COP1: variants seen among roughly 807,000 people sequenced by gnomAD.
COP1 encodes COP1 E3 ubiquitin ligase.
COP1 carries 24 observed loss-of-function variants against 101.3 expected under a neutral mutation model. That is an observed-to-expected ratio of 0.24 (90% CI 0.17 to 0.33). The LOEUF is 0.33. Ranked by LOEUF, COP1 falls within the 10% of genes least tolerant of loss-of-function variation. The pLI is 1.00. For synonymous variants in COP1, 347 were observed against 341.9 expected (o/e 1.01, Z -0.17); for missense variants, 663 against 906.2 (o/e 0.73, Z 3.45).
At chr1:176,042,290 G>T (rs1464168011) in intron 14 of COP1, among the ~76,000 whole-genome samples, 2 of 121,760 alleles carry the variant, frequency 1.6e-5, no homozygotes, top group East Asian at 2.3e-4. Context: ...AAAAAAAAAG[G>T]TGGCTCATGT....
At chr1:176,152,432 G>A (rs1037129972) in intron 5 of COP1, among the ~76,000 whole-genome samples, 17 of 151,884 alleles carry the variant, frequency 1.1e-4, no homozygotes, top group African/African-American at 3.6e-4. Context: ...TTGTAAATTA[G>A]AAGTAATTAT....
intron 12 of COP1, among the ~76,000 whole-genome samples, chr1:176,045,266 T>C (rs1197433694): frequency 6.6e-6 from 1 of 152,210 alleles, no homozygotes; most frequent in Non-Finnish European, 1.5e-5. Context: ...ATTCATGTTA[T>C]ATCCTCTTCA....
At chr1:176,037,218 C>G (rs1669712704) in intron 14 of COP1, among the ~76,000 whole-genome samples, 1 of 151,930 alleles carries the variant, frequency 6.6e-6, no homozygotes, top group East Asian at 1.9e-4. Flanking sequence ...CTGGCTAACA[C>G]AGTGAAACCC....
intron 6 of COP1, among the ~76,000 whole-genome samples, chr1:176,137,527 TA>T: frequency 6.6e-6 from 1 of 152,168 alleles, no homozygotes; most frequent in Non-Finnish European, 1.5e-5. Flanking sequence ...TTTATAAATG[TA>T]AAATATTAAC....
intron 11 of COP1, among the ~76,000 whole-genome samples, chr1:176,049,559 A>G (rs1672176940): frequency 6.6e-6 from 1 of 152,098 alleles, no homozygotes; most frequent in African/African-American, 2.4e-5. Context: ...AAAGGGAAAG[A>G]AAGACAAACA....
At chr1:176,057,545 C>CG (rs1673801828) in intron 11 of COP1, among the ~76,000 whole-genome samples, 1 of 152,192 alleles carries the variant, frequency 6.6e-6, no homozygotes, top group Non-Finnish European at 1.5e-5. Context: ...CTGTGTTGGC[C>CG]GGGCTGGTCT....
chr1:176,201,260 C>T (rs1258811084), intron 1 of COP1, among the ~76,000 whole-genome samples: 1 of 152,090 alleles, frequency 6.6e-6, no homozygotes, highest in East Asian at 1.9e-4. Context: ...AGGATACTCA[C>T]CCTGTAATAC....
chr1:176,057,012 A>G (rs191477353), intron 11 of COP1, among the ~76,000 whole-genome samples: 8 of 152,320 alleles, frequency 5.3e-5, no homozygotes, highest in African/African-American at 1.4e-4. Context: ...CTCCAAAAAT[A>G]TTTATACTTC....
chr1:175,956,285 G>A (rs1236840118), intron 18 of COP1, among the ~76,000 whole-genome samples: 1 of 152,042 alleles, frequency 6.6e-6, no homozygotes, highest in Non-Finnish European at 1.5e-5. Context: ...CTGCAGGTAT[G>A]TGAAACAACC....
chr1:176,039,190 C>A (rs1670094365), intron 14 of COP1, among the ~76,000 whole-genome samples: 2 of 151,826 alleles, frequency 1.3e-5, no homozygotes, highest in Admixed American at 6.6e-5. Flanking sequence ...TGAAAAATTC[C>A]CAAATAATTC....
intron 15 of COP1, among the ~76,000 whole-genome samples, chr1:176,023,010 T>C (rs961828292): frequency 2.0e-5 from 3 of 152,232 alleles, no homozygotes; most frequent in African/African-American, 2.4e-5. Context: ...TCTGTTGTAG[T>C]GTTCCAGTGT....
intron 18 of COP1, among the ~76,000 whole-genome samples, chr1:175,947,809 A>C (rs1199918181): frequency 6.6e-6 from 1 of 152,240 alleles, no homozygotes; most frequent in African/African-American, 2.4e-5. Context: ...AGGGAAAAAG[A>C]TTGTCAATGG....
At chr1:175,964,485 T>C (rs1341130520) in intron 18 of COP1, among the ~76,000 whole-genome samples, 7 of 152,224 alleles carry the variant, frequency 4.6e-5, no homozygotes, top group Non-Finnish European at 7.3e-5. Context: ...TAGAACACTA[T>C]TAGTGACACA....
intron 8 of COP1, among the ~76,000 whole-genome samples, chr1:176,121,548 C>G (rs1687122639): frequency 6.6e-6 from 1 of 152,120 alleles, no homozygotes; most frequent in Admixed American, 6.6e-5. Context: ...TACGATCTCA[C>G]TCTGTCACCC....
At chr1:176,130,997 A>G (rs1041792064) in intron 8 of COP1, among the ~76,000 whole-genome samples, 1 of 151,820 alleles carries the variant, frequency 6.6e-6, no homozygotes, top group African/African-American at 2.4e-5. Flanking sequence ...AGGACCCTAT[A>G]GGTTTGGGGT....
At chr1:175,966,315 A>AC in intron 18 of COP1, among the ~76,000 whole-genome samples, 2 of 149,638 alleles carry the variant, frequency 1.3e-5, no homozygotes, top group African/African-American at 4.9e-5. Context: ...ACACACACAC[A>AC]AACACTTAAA....
chr1:175,990,605 ATC>A (rs925045402), intron 15 of COP1, among the ~76,000 whole-genome samples: 31 of 152,196 alleles, frequency 2.0e-4, no homozygotes, highest in Non-Finnish European at 4.1e-4. Flanking sequence ...CAGTCAAAAT[ATC>A]TGTTTTTCCC....
intron 9 of COP1, among the ~76,000 whole-genome samples, chr1:176,086,683 C>T (rs1680234718): frequency 1.3e-5 from 2 of 152,146 alleles, no homozygotes; most frequent in Admixed American, 6.5e-5. Context: ...GGCCATACTG[C>T]CCAAAGTAAT....
At chr1:176,110,850 A>C (rs1250331526) in intron 9 of COP1, among the ~76,000 whole-genome samples, 1 of 152,166 alleles carries the variant, frequency 6.6e-6, no homozygotes, top group Non-Finnish European at 1.5e-5. Context: ...CTTCTCAATA[A>C]AAAATAGTAA....
Sources: allele counts gnomAD v4.1 joint callset (sites outside exome capture counted in the v4.1 genomes callset), GRCh38; gene constraint gnomAD v4.1.1; transcripts MANE v1.5; gene names NCBI Gene and HGNC (gene_info 2026-07-23, HGNC 2026-07-21).